Variants in KDM4C observed in about 807,000 individuals in gnomAD.
KDM4C encodes lysine-specific demethylase 4C.
A neutral mutation model predicts 129.3 loss-of-function variants in KDM4C; 81 were observed. The ratio of observed to expected loss-of-function variants is 0.63; its 90% CI spans 0.52 to 0.75. The LOEUF (loss-of-function observed/expected upper bound fraction) is 0.75, where lower values mean the gene tolerates loss of function less well. Ranked by LOEUF, KDM4C falls within the 30% of genes least tolerant of loss-of-function variation. The pLI is 0.00. For synonymous variants in KDM4C, 573 were observed against 456.1 expected, an observed-to-expected ratio of 1.26 and a Z score of -3.26; for missense variants, 1,457 against 1,304.0, an observed-to-expected ratio of 1.12 and a Z score of -1.81.
At chr9:6,724,253 A>C (rs1242802624) in intron 1 of KDM4C, among the ~76,000 whole-genome samples, 1 of 152,174 alleles carries the variant, frequency 6.6e-6, no homozygotes, top group East Asian at 1.9e-4. Context: ...ATAGGCAGTA[A>C]GTGCCATTTA....
intron 12 of KDM4C, among the ~76,000 whole-genome samples, chr9:7,009,508 G>T (rs970205166): frequency 2.0e-5 from 3 of 151,872 alleles, no homozygotes; most frequent in African/African-American, 7.3e-5. Flanking sequence ...CCCCATCAAA[G>T]GTGTTATTAA....
intron 18 of KDM4C, among the ~76,000 whole-genome samples, chr9:7,123,016 A>C (rs1349779033): frequency 1.3e-5 from 2 of 152,214 alleles, no homozygotes; most frequent in Non-Finnish European, 2.9e-5. Context: ...TATGCTTGTC[A>C]ATACATTTTT....
chr9:7,135,391 G>C (rs1316785817), intron 19 of KDM4C, among the ~76,000 whole-genome samples: 1 of 152,092 alleles, frequency 6.6e-6, no homozygotes, highest in Admixed American at 6.5e-5. Context: ...TTCTTTCCAG[G>C]AGAGACTCAG....
At chr9:6,840,892 G>C (rs1224399151) in intron 4 of KDM4C, among the ~76,000 whole-genome samples, 1 of 152,224 alleles carries the variant, frequency 6.6e-6, no homozygotes, top group African/African-American at 2.4e-5. Context: ...CAGCTCTACA[G>C]TTAGCAAGCT....
At chr9:7,149,118 C>A (rs1006743229) in intron 19 of KDM4C, among the ~76,000 whole-genome samples, 1 of 152,230 alleles carries the variant, frequency 6.6e-6, no homozygotes. Flanking sequence ...CATGCCGAGC[C>A]GCCCTCAGGC....
At chr9:6,878,327 A>T (rs140678917) in intron 5 of KDM4C, among the ~76,000 whole-genome samples, 236 of 152,356 alleles carry the variant, frequency 1.5e-3, no homozygotes, top group African/African-American at 5.3e-3. Flanking sequence ...AATGAACTTG[A>T]TATTTATAGA....
chr9:6,863,528 G>A (rs1305141253), intron 5 of KDM4C, among the ~76,000 whole-genome samples: 2 of 152,110 alleles, frequency 1.3e-5, no homozygotes, highest in African/African-American at 2.4e-5. Context: ...TGGGCACCAT[G>A]GCTCACGGCT....
At chr9:7,124,045 G>T (rs147842639) in intron 18 of KDM4C, among the ~76,000 whole-genome samples, 69 of 152,242 alleles carry the variant, frequency 4.5e-4, no homozygotes, top group African/African-American at 1.5e-3. Context: ...TCCCAATGAG[G>T]CTGGGCCTCC....
At chr9:7,030,430 C>T (rs897241376) in intron 15 of KDM4C, among the ~76,000 whole-genome samples, 1 of 152,086 alleles carries the variant, frequency 6.6e-6, no homozygotes, top group Admixed American at 6.5e-5. Flanking sequence ...GAATGTACAA[C>T]ACCAAGAGTG....
intron 17 of KDM4C, among the ~76,000 whole-genome samples, chr9:7,054,723 A>G (rs576712834): frequency 6.6e-6 from 1 of 152,362 alleles, no homozygotes; most frequent in African/African-American, 2.4e-5. Flanking sequence ...TACATTGATC[A>G]CTTCCTGCAG....
chr9:7,117,274 CTATT>C (rs1448778109), intron 18 of KDM4C, among the ~76,000 whole-genome samples: 5 of 151,986 alleles, frequency 3.3e-5, no homozygotes, highest in African/African-American at 1.2e-4. Context: ...ATCTGTTAAA[CTATT>C]TAATTAGTCT....
chr9:6,803,751 GAAAAAAA>G (rs869296822), intron 2 of KDM4C, among the ~76,000 whole-genome samples: 33 of 65,132 alleles, frequency 5.1e-4, no homozygotes, highest in Non-Finnish European at 8.3e-4. Context: ...GTAACAAAAA[GAAAAAAA>G]AAAAAAAAAG....
At chr9:6,986,256 A>T in intron 10 of KDM4C, 88 bp from the exon 11 acceptor site, 1 of 875,558 alleles carries the variant, frequency 1.1e-6, no homozygotes, top group Non-Finnish European at 1.8e-6. Context: ...TGTGTGTAAG[A>T]TACAGAATCA....
chr9:6,899,571 T>G (rs1427214654), intron 8 of KDM4C, among the ~76,000 whole-genome samples: 1 of 117,270 alleles, frequency 8.5e-6, no homozygotes, highest in Admixed American at 8.2e-5. Context: ...GTGTGTGTGT[T>G]TAACTTGCTA....
At chr9:6,829,449 G>T (rs951503495) in intron 4 of KDM4C, among the ~76,000 whole-genome samples, 46 of 152,226 alleles carry the variant, frequency 3.0e-4, no homozygotes, top group African/African-American at 1.1e-3. Context: ...GGTGAAAAGT[G>T]AGAGTTTTAG....
intron 17 of KDM4C, among the ~76,000 whole-genome samples, chr9:7,058,504 A>G (rs763547509): frequency 2.0e-5 from 3 of 152,208 alleles, no homozygotes; most frequent in Non-Finnish European, 4.4e-5. Context: ...AAGATCTAGC[A>G]GTCGCTCTCA....
chr9:7,083,283 C>T (rs991518225), intron 17 of KDM4C, among the ~76,000 whole-genome samples: 8 of 152,204 alleles, frequency 5.3e-5, no homozygotes, highest in African/African-American at 1.9e-4. Context: ...CTGAAATACT[C>T]CAATGGGCAT....
At chr9:6,870,553 A>G (rs1842690936) in intron 5 of KDM4C, among the ~76,000 whole-genome samples, 1 of 152,104 alleles carries the variant, frequency 6.6e-6, no homozygotes, top group Non-Finnish European at 1.5e-5. Flanking sequence ...TCAGTGCTCA[A>G]TAAATGATGG....
chr9:6,916,544 G>A (rs1346171214), intron 8 of KDM4C, among the ~76,000 whole-genome samples: 7 of 152,142 alleles, frequency 4.6e-5, no homozygotes, highest in African/African-American at 1.7e-4. Context: ...ATAGGAGTGA[G>A]CCACTGTGCC....
Sources: gnomAD v4.1 joint callset for allele counts (sites outside exome capture counted in the v4.1 genomes callset) on GRCh38, gnomAD v4.1.1 for gene constraint, MANE v1.5 for transcripts, NCBI Gene and HGNC (gene_info 2026-07-23, HGNC 2026-07-21) for gene names.